DGKB: variants seen among roughly 807,000 people sequenced by gnomAD.
DGKB encodes the protein 90 kDa diacylglycerol kinase.
DGKB carries 67 observed loss-of-function variants against 114.3 expected under a neutral mutation model. That is an observed-to-expected ratio of 0.59 (90% CI 0.48 to 0.72). The LOEUF is 0.72. DGKB is among the 30% of genes least tolerant of loss of function. The pLI, the probability that DGKB is intolerant of heterozygous loss-of-function variation, is 0.00. For synonymous variants in DGKB, 398 were observed against 323.1 expected (o/e 1.23, Z -2.49); for missense variants, 907 against 975.2 (o/e 0.93, Z 0.93).
chr7:14,274,109 T>A (rs1042917043), intron 23 of DGKB, among the ~76,000 whole-genome samples: 8 of 152,210 alleles, frequency 5.3e-5, no homozygotes, highest in African/African-American at 1.9e-4. Context: ...GCAAGACGGT[T>A]CCAGGATTTA....
At chr7:14,450,508 T>C (rs1012586729) in intron 21 of DGKB, among the ~76,000 whole-genome samples, 2 of 151,830 alleles carry the variant, frequency 1.3e-5, no homozygotes, top group African/African-American at 2.4e-5. Flanking sequence ...GTGGAGGAGG[T>C]GGGTGGCAAA....
rs76305727 is a variant in DGKB at position 14,264,938 on chromosome 7, C to A, written c.2122+73577G>T. On this transcript the variant is annotated intron_variant, in intron 23 of 25. Coordinates refer to ENST00000402815, the MANE Select transcript of DGKB (RefSeq NM_001350709.2). ...CAGTAATAAATAACTGAAACAAAGACTTTACCAGAAGTAGGGCTTTGCTGT... is the reference window on the plus strand; with the variant it reads ...CAGTAATAAATAACTGAAACAAAGAATTTACCAGAAGTAGGGCTTTGCTGT... Among the ~76,000 whole-genome samples, 489 of 152,226 alleles carry A rather than the reference C, an allele frequency of 3.2e-3. 5 individuals are homozygous for A. The highest frequency in any genetic ancestry group is 0.011 in the African/African-American group (466 of 41,554).
chr7:14,400,615 A>G (rs1822952864), intron 21 of DGKB, among the ~76,000 whole-genome samples: 1 of 151,622 alleles, frequency 6.6e-6, no homozygotes, highest in Non-Finnish European at 1.5e-5. Context: ...TATTTAATGG[A>G]GATCAAAACA....
chr7:14,667,315 C>G (rs376018988), intron 13 of DGKB, among the ~76,000 whole-genome samples: 1 of 151,770 alleles, frequency 6.6e-6, no homozygotes, highest in Admixed American at 6.6e-5. Flanking sequence ...AGATACAAGG[C>G]TATGTGAGCT....
chr7:14,350,727 C>T (rs969737278), intron 21 of DGKB, among the ~76,000 whole-genome samples: 25 of 151,354 alleles, frequency 1.7e-4, no homozygotes, highest in Non-Finnish European at 2.2e-4. Flanking sequence ...AACCCATTTT[C>T]AAGCATCGTT....
chr7:14,574,537 T>G (rs1195389375), intron 19 of DGKB, among the ~76,000 whole-genome samples, 165 bp from the exon 20 acceptor site: 1 of 152,228 alleles, frequency 6.6e-6, no homozygotes, highest in Non-Finnish European at 1.5e-5. Context: ...ATTATACTCA[T>G]ACCCACATTT....
intron 1 of DGKB, among the ~76,000 whole-genome samples, chr7:14,942,503 G>A (rs1221516354): frequency 1.3e-5 from 2 of 151,668 alleles, no homozygotes; most frequent in Non-Finnish European, 2.9e-5. Flanking sequence ...GGATGATTAC[G>A]GTCATAGTCT....
chr7:14,845,148 G>GA (rs1848478120), intron 1 of DGKB, among the ~76,000 whole-genome samples: 2 of 122,530 alleles, frequency 1.6e-5, no homozygotes, highest in African/African-American at 5.9e-5. Context: ...AAGAAAGAAA[G>GA]AAAAAAAGGA....
intron 20 of DGKB, among the ~76,000 whole-genome samples, chr7:14,526,172 A>G (rs1270484994): frequency 1.3e-5 from 2 of 152,192 alleles, no homozygotes; most frequent in Non-Finnish European, 2.9e-5. Context: ...TATCAAGGTC[A>G]ATTCAGTGTG....
At chr7:14,691,783 G>A (rs1408614612) in intron 9 of DGKB, among the ~76,000 whole-genome samples, 1 of 151,360 alleles carries the variant, frequency 6.6e-6, no homozygotes, top group Non-Finnish European at 1.5e-5. Context: ...GATTTAAGGT[G>A]GTCTCTTGAG....
At chr7:14,605,702 G>A (rs2128775820) in intron 17 of DGKB, among the ~76,000 whole-genome samples, 1 of 151,918 alleles carries the variant, frequency 6.6e-6, no homozygotes, top group Admixed American at 6.6e-5. Flanking sequence ...AAAAAAGTGA[G>A]ATGAGAGAAC....
chr7:14,442,429 G>T lies in DGKB; in HGVS notation c.1835+35732C>A, dbSNP rs115261675. ...TTCAACCTGTATTGGTAGAATATTTGTCTTTCAGTAAACAAATATCTAATT... is the reference window on the plus strand; with the variant it reads ...TTCAACCTGTATTGGTAGAATATTTTTCTTTCAGTAAACAAATATCTAATT... On this transcript the variant is annotated intron_variant, in intron 21 of 25. Transcript: ENST00000402815. Among the ~76,000 whole-genome samples, 523 of 151,910 alleles carry T rather than the reference G, an allele frequency of 3.4e-3. 2 individuals carry two copies. The highest frequency in any genetic ancestry group is 0.012 in the African/African-American group (512 of 41,454).
rs1831713045 is a variant in DGKB, at chr7:14,736,317, ATGG to A, written c.169-126_169-124del. On this transcript the variant is annotated intron_variant, in intron 4 of 25. Transcript: ENST00000402815. The stretch of plus-strand genomic sequence containing the variant: ...CCATTTTTATATCCAAGTTTAACAA[ATGG>A]AAAGTGCCTATTTGAGAAATAGGGT... 7 of 617,822 alleles carry A rather than the reference ATGG, an allele frequency of 1.1e-5. No homozygotes were observed. The East Asian group carries it at 2.1e-4, about 18-fold the overall frequency. 38.3% of individuals were successfully genotyped at this position (617,822 alleles called of 1,614,324 possible).
intron 4 of DGKB, among the ~76,000 whole-genome samples, chr7:14,748,623 A>C: frequency 6.6e-6 from 1 of 152,152 alleles, no homozygotes; most frequent in Non-Finnish European, 1.5e-5. Flanking sequence ...CAATGTGTGG[A>C]CTGGGCAGAG....
At chr7:14,423,314 A>G (rs1282002629) in intron 21 of DGKB, among the ~76,000 whole-genome samples, 2 of 152,036 alleles carry the variant, frequency 1.3e-5, no homozygotes, top group Non-Finnish European at 2.9e-5. Flanking sequence ...GATTTAAAAA[A>G]TGGCTCTTCT....
intron 23 of DGKB, among the ~76,000 whole-genome samples, chr7:14,244,294 C>T (rs1443463886): frequency 6.6e-6 from 1 of 152,116 alleles, no homozygotes; most frequent in South Asian, 2.1e-4. Context: ...CTCAATGACA[C>T]TGTTATAGAC....
intron 23 of DGKB, among the ~76,000 whole-genome samples, chr7:14,224,090 T>C (rs114058040): frequency 1.3e-5 from 2 of 151,810 alleles, no homozygotes; most frequent in African/African-American, 4.8e-5. Context: ...TAAAGCTGGG[T>C]AGTTTTTAGC....
intron 21 of DGKB, among the ~76,000 whole-genome samples, chr7:14,352,088 T>C (rs1330609774): frequency 1.3e-5 from 2 of 152,180 alleles, no homozygotes; most frequent in East Asian, 3.9e-4. Context: ...CTAATGCTCA[T>C]TCATAAGACG....
chr7:14,601,950 C>G (rs560209373), intron 17 of DGKB, among the ~76,000 whole-genome samples: 1 of 151,860 alleles, frequency 6.6e-6, no homozygotes, highest in Admixed American at 6.6e-5. Flanking sequence ...CACCTCTCCT[C>G]CTCCTCCTCT....
Sources: gnomAD v4.1 joint callset for allele counts (sites outside exome capture counted in the v4.1 genomes callset) on GRCh38, gnomAD v4.1.1 for gene constraint, MANE v1.5 for transcripts, NCBI Gene and HGNC (gene_info 2026-07-23, HGNC 2026-07-21) for gene names.